Variants in NTM observed in about 807,000 individuals in gnomAD.
NTM encodes the protein IgLON family member 2.
NTM carries 13 observed loss-of-function variants against 42.1 expected under a neutral mutation model. The ratio of observed to expected loss-of-function variants is 0.31; its 90% confidence interval spans 0.20 to 0.49. NTM has a LOEUF of 0.49. Among genes scored for constraint, NTM ranks in the 20% least tolerant of loss-of-function variants. The pLI is 0.99. For synonymous variants in NTM, 187 were observed against 179.2 expected, an observed-to-expected ratio of 1.04 and a Z score of -0.35; for missense variants, 373 against 452.8, an observed-to-expected ratio of 0.82 and a Z score of 1.60.
chr11:132,100,230 C>T lies in NTM; in HGVS notation c.168-46052C>T, dbSNP rs191449272. Reference sequence around the variant, plus strand: ...ACCCATGTGTCCCATGGCAGTCACTCGTGGGAGCAATCTTGGGATCTAAAC... The same window carrying T: ...ACCCATGTGTCCCATGGCAGTCACTTGTGGGAGCAATCTTGGGATCTAAAC... On this transcript the variant is annotated intron_variant, in intron 2 of 8. Transcript: ENST00000683400. 1.2e-3 allele frequency among the ~76,000 whole-genome samples: 188 copies of T among 152,342 alleles called. 2 individuals carry two copies. Among genetic ancestry groups the T allele is most frequent in the Middle Eastern group, 6.8e-3 (2 of 294 alleles).
intron 2 of NTM, among the ~76,000 whole-genome samples, chr11:131,996,830 ACT>A (rs2068132200): frequency 6.6e-6 from 1 of 151,598 alleles, no homozygotes; most frequent in South Asian, 2.1e-4. Flanking sequence ...CTCTGCCAGG[ACT>A]CTCCCCAGCC....
chr11:131,715,647 C>T (rs2077618145), intron 1 of NTM, among the ~76,000 whole-genome samples: 1 of 152,064 alleles, frequency 6.6e-6, no homozygotes, highest in South Asian at 2.1e-4. Flanking sequence ...GCCTCCTTTC[C>T]TCCTCCTTCT....
chr11:131,869,564 G>A (rs567939113), intron 1 of NTM, among the ~76,000 whole-genome samples: 6 of 152,198 alleles, frequency 3.9e-5, no homozygotes, highest in South Asian at 2.1e-4. Context: ...TGGCTTAGTC[G>A]ATGCCAGCTT....
Position 131,868,719 on chromosome 11 carries a change from C to T in NTM, c.83-42845C>T, listed in dbSNP as rs2047468785. 5.9e-5 allele frequency among the ~76,000 whole-genome samples: 9 copies of T among 152,136 alleles called. No individual in the cohort carries two copies. In the South Asian group the frequency reaches 1.9e-3, roughly 32 times the overall value. ...ATTTGTCCTCGTCGTATTTTATTTC[C>T]AAATGACTCCTCAAATCTCCCCTTC... is the stretch of plus-strand genomic sequence containing the variant. On this transcript the variant is annotated intron_variant, in intron 1 of 8. Transcript: ENST00000683400.
In NTM at chr11:132,002,617, C is replaced by G. The variant is rs575207248; in HGVS notation, c.167+90969C>G. On this transcript the variant is annotated intron_variant, in intron 2 of 8. Transcript: ENST00000683400. The surrounding 1 kb of genome is among the most constrained non-coding windows in gnomAD (Gnocchi z 4.5). ...ACTTTCTGCCTCTAGTATCCCCAAACTTATGTTTTGTTTTTTCTTTTTCTC... is the reference window on the plus strand; with the variant it reads ...ACTTTCTGCCTCTAGTATCCCCAAAGTTATGTTTTGTTTTTTCTTTTTCTC... Among the ~76,000 whole-genome samples the G allele has an allele frequency of 1.3e-5, 2 of 152,294 alleles. No individual in the cohort carries two copies. Among genetic ancestry groups the G allele is most frequent in the Non-Finnish European group, 2.9e-5 (2 of 68,020 alleles).
chr11:132,142,874 C>A (rs1049125234), intron 2 of NTM, among the ~76,000 whole-genome samples: 2 of 152,184 alleles, frequency 1.3e-5, no homozygotes, highest in Non-Finnish European at 1.5e-5. Flanking sequence ...GCTTCCGTTT[C>A]TGTCAATTTT....
intron 4 of NTM, among the ~76,000 whole-genome samples, chr11:132,295,985 G>A (rs1274188490): frequency 6.6e-6 from 1 of 152,208 alleles, no homozygotes; most frequent in Non-Finnish European, 1.5e-5. Flanking sequence ...TTTGGAAGCT[G>A]TAAAGTGAGT....
chr11:132,292,787 T>TAAAAAAAAAAAAAAAAAAAAAAAAAAAAA (rs61603794), intron 4 of NTM, among the ~76,000 whole-genome samples: 2 of 56,572 alleles, frequency 3.5e-5, no homozygotes, highest in Non-Finnish European at 6.0e-5. Flanking sequence ...GATGTAAAAG[T>TAAAAAAAAAAAAAAAAAAAAAAAAAAAAA]AAAAAAAAAA....
intron 1 of NTM, among the ~76,000 whole-genome samples, chr11:131,473,092 ATAAATATTGACTCATT>A (rs1952600731): frequency 6.6e-6 from 1 of 152,216 alleles, no homozygotes; most frequent in African/African-American, 2.4e-5. Context: ...AGAATATTTT[ATAAATATTGACTCATT>A]TAATAAGATA....
chr11:132,330,207 C>T, intron 8 of NTM, 22 bp downstream of exon 8: 6 of 1,550,592 alleles, frequency 3.9e-6, no homozygotes, highest in Non-Finnish European at 5.2e-6. Flanking sequence ...TTTCAGACAG[C>T]TGCTGCCTTG....
chr11:131,487,303 C>T (rs7946251), intron 1 of NTM, among the ~76,000 whole-genome samples: 10,170 of 152,256 alleles, frequency 0.067, 1,140 homozygotes, highest in African/African-American at 0.23. Context: ...TGTATACAAA[C>T]ATAGTACTGA....
At chr11:131,678,850 C>T (rs962247281) in intron 1 of NTM, among the ~76,000 whole-genome samples, 2 of 152,150 alleles carry the variant, frequency 1.3e-5, no homozygotes, top group African/African-American at 2.4e-5. Context: ...CTGTCCGGGA[C>T]GGGGCCTGCA....
intron 1 of NTM, among the ~76,000 whole-genome samples, chr11:131,400,056 T>C (rs925103164): frequency 2.0e-5 from 3 of 151,418 alleles, no homozygotes; most frequent in Non-Finnish European, 2.9e-5. Flanking sequence ...CAGCTCATCA[T>C]TGATTGGTAG....
At chr11:132,191,434 A>G (rs2079312027) in intron 3 of NTM, among the ~76,000 whole-genome samples, 1 of 152,216 alleles carries the variant, frequency 6.6e-6, no homozygotes, top group Admixed American at 6.5e-5. Flanking sequence ...TGGCCCTCTG[A>G]ACACCTCTGG....
chr11:131,958,850 G>T (rs1335922332), intron 2 of NTM, among the ~76,000 whole-genome samples: 2 of 152,196 alleles, frequency 1.3e-5, no homozygotes, highest in Admixed American at 6.5e-5. Context: ...TGAAGGAAGA[G>T]AAGTTTTTTG....
intron 1 of NTM, among the ~76,000 whole-genome samples, chr11:131,451,265 G>A (rs1565513986): frequency 6.6e-6 from 1 of 152,200 alleles, no homozygotes; most frequent in Non-Finnish European, 1.5e-5. Context: ...AGATTTTCGA[G>A]CTTAGCCAGG....
intron 2 of NTM, among the ~76,000 whole-genome samples, chr11:132,113,612 T>C (rs773182386): frequency 3.3e-5 from 5 of 152,156 alleles, no homozygotes; most frequent in Non-Finnish European, 5.9e-5. Context: ...CTGGCTGGGA[T>C]GTGAGAGGCA....
chr11:131,679,056 C>T (rs1341716361), intron 1 of NTM, among the ~76,000 whole-genome samples: 3 of 152,176 alleles, frequency 2.0e-5, no homozygotes, highest in Non-Finnish European at 4.4e-5. Flanking sequence ...AGCTGCTGCC[C>T]CTGTCCACTC....
intron 3 of NTM, among the ~76,000 whole-genome samples, chr11:132,200,126 A>G (rs75548497): frequency 1.1e-3 from 174 of 152,202 alleles, no homozygotes; most frequent in Non-Finnish European, 1.6e-3. Context: ...GCCTTGATCT[A>G]TTCACCAGCC....
Sources: allele counts gnomAD v4.1 joint callset (sites outside exome capture counted in the v4.1 genomes callset), GRCh38; gene constraint gnomAD v4.1.1; non-coding constraint Gnocchi (gnomAD v3.1); transcripts MANE v1.5; gene names NCBI Gene and HGNC (gene_info 2026-07-23, HGNC 2026-07-21).